FNDC7: variants seen among roughly 807,000 people sequenced by gnomAD.
FNDC7 encodes the protein fibronectin type III domain containing 7.
A neutral mutation model predicts 74.2 loss-of-function variants in FNDC7; 66 were observed. That is an observed-to-expected ratio of 0.89 (90% CI 0.73 to 1.09). The LOEUF (loss-of-function observed/expected upper bound fraction) is 1.09. Ranked by LOEUF, FNDC7 falls within the 50% of genes least tolerant of loss-of-function variation. FNDC7 has a pLI of 0.00. For synonymous variants in FNDC7, 307 were observed against 330.2 expected (o/e 0.93, Z 0.76); for missense variants, 829 against 893.4 (o/e 0.93, Z 0.92).
intron 10 of FNDC7, among the ~76,000 whole-genome samples, chr1:108,736,245 A>G (rs781328798): frequency 3.9e-5 from 6 of 152,088 alleles, no homozygotes; most frequent in African/African-American, 7.2e-5. Context: ...TTCTGGAGCT[A>G]CTGCAGTGCT....
intron 2 of FNDC7, among the ~76,000 whole-genome samples, chr1:108,717,509 T>A (rs1021387594): frequency 1.3e-5 from 2 of 152,226 alleles, no homozygotes; most frequent in African/African-American, 4.8e-5. Context: ...TTAGCTCTTT[T>A]AAAAGTACAA....
At chr1:108,740,302 C>A (rs1246878510) in intron 11 of FNDC7, among the ~76,000 whole-genome samples, 5 of 145,136 alleles carry the variant, frequency 3.4e-5, no homozygotes, top group African/African-American at 1.3e-4. Flanking sequence ...CTTGGAGTAT[C>A]CTAAAGCTTT....
Position 108,728,076 on chromosome 1 carries a change from G to A in FNDC7, c.1369+11G>A. ...AGTTCATAACCACAGGTAAGGCACA[G>A]CTATCATTCCACTCACTGGTGTCTG... On this transcript the variant is annotated intron_variant, in intron 7 of 12. Coordinates refer to ENST00000370017, the MANE Select transcript of FNDC7 (RefSeq NM_001144937.3). 1 of 1,609,218 alleles carries A rather than the reference G, an allele frequency of 6.2e-7. No individual in the cohort carries two copies. The highest frequency in any genetic ancestry group is 8.5e-7 in the Non-Finnish European group (1 of 1,177,060).
intron 2 of FNDC7, among the ~76,000 whole-genome samples, chr1:108,715,173 T>C (rs1464776896): frequency 6.6e-6 from 1 of 152,178 alleles, no homozygotes; most frequent in Non-Finnish European, 1.5e-5. Context: ...TTGATTCTCT[T>C]TGGGCTCTGG....
In FNDC7 at chr1:108,739,068, G is replaced by A. The variant is rs1446457638; in HGVS notation, c.2170+1544G>A. 2.6e-5 allele frequency among the ~76,000 whole-genome samples: 4 copies of A among 151,480 alleles called. No individual in the cohort carries two copies. In the East Asian group the frequency reaches 7.7e-4, roughly 29 times the overall value. The stretch of plus-strand genomic sequence containing the variant: ...GGAGAGGAGTGGTGTATGATATATT[G>A]GCCTTGCCTATGATTTTGTTCAAGG... On this transcript the variant is annotated intron_variant, in intron 11 of 12. Coordinates refer to ENST00000370017, the MANE Select transcript of FNDC7 (RefSeq NM_001144937.3).
intron 2 of FNDC7, among the ~76,000 whole-genome samples, chr1:108,716,331 G>GTGTA (rs1436114844): frequency 8.9e-6 from 1 of 111,996 alleles, no homozygotes; most frequent in Non-Finnish European, 2.2e-5. Context: ...GTGTGTGTGT[G>GTGTA]TGTGTGTGTG....
intron 8 of FNDC7, 137 bp downstream of exon 8, chr1:108,729,023 G>A (rs553605757): frequency 2.7e-4 from 291 of 1,088,694 alleles, no homozygotes; most frequent in Non-Finnish European, 3.2e-4. Context: ...AAAGAGTCCC[G>A]GTCATAGACA....
At chr1:108,727,331 A>G (rs1298013804) in intron 6 of FNDC7, among the ~76,000 whole-genome samples, 3 of 151,844 alleles carry the variant, frequency 2.0e-5, no homozygotes, top group Middle Eastern at 6.8e-3. Flanking sequence ...TCTCTTTGAA[A>G]AAACAAAACA....
chr1:108,715,360 A>T (rs888314165), intron 2 of FNDC7, among the ~76,000 whole-genome samples: 1 of 152,248 alleles, frequency 6.6e-6, no homozygotes, highest in Non-Finnish European at 1.5e-5. Flanking sequence ...CAGTGGGCTA[A>T]ACATAGAAGT....
intron 10 of FNDC7, among the ~76,000 whole-genome samples, chr1:108,736,963 C>CTTTTTTTTTT (rs1173562405): frequency 3.9e-4 from 39 of 99,414 alleles, no homozygotes; most frequent in Non-Finnish European, 6.1e-4. Flanking sequence ...GCTTGGCATT[C>CTTTTTTTTTT]TTTTTTTTTT....
Position 108,717,953 on chromosome 1 carries a change from A to G in FNDC7, c.259A>G (p.Thr87Ala), listed in dbSNP as rs767489778. 1 of 1,551,760 alleles carries G rather than the reference A, an allele frequency of 6.4e-7. No homozygotes were observed. The highest frequency in any genetic ancestry group is 1.7e-4 in the Middle Eastern group (1 of 5,992). The stretch of plus-strand genomic sequence containing the variant: ...CACTGTGACGGGACTAAAGGCTGCA[A>G]CCTGGTATGAAATCACCATCAGATC... ...PGTVTGLKAA[T>A]WYEITIRSIS... The change falls in exon 3 of 13, where the codon ACC (threonine) becomes GCC (alanine). Residue 87 changes from threonine to alanine, a missense_variant. Thr to Ala is a moderately conservative substitution (Grantham distance 58, BLOSUM62 0). Transcript: ENST00000370017.
At chr1:108,721,662 G>A (rs548427060) in intron 4 of FNDC7, among the ~76,000 whole-genome samples, 66 of 152,166 alleles carry the variant, frequency 4.3e-4, no homozygotes, top group Middle Eastern at 6.8e-3. Flanking sequence ...TTTTTAATGC[G>A]GTAACTCTTA....
At chr1:108,732,228 G>A (rs7523408) in intron 9 of FNDC7, among the ~76,000 whole-genome samples, 79,771 of 151,600 alleles carry the variant, frequency 0.53, 21,410 homozygotes, top group African/African-American at 0.58. Flanking sequence ...GCGTGGTGGC[G>A]GGCGCCTGTA....
chr1:108,712,940 G>C lies in FNDC7; in HGVS notation c.7G>C (p.Gly3Arg). The C allele has an allele frequency of 6.4e-7, 1 of 1,551,614 alleles. No homozygotes were observed. Among genetic ancestry groups the C allele is most frequent in the Non-Finnish European group, 8.7e-7 (1 of 1,146,946 alleles). Reference sequence around the variant, plus strand: ...GAGTACTATGTCCAACAGGATGGCTGGTGGACGAGAGACATGTTTGCCTTT... The same window carrying C: ...GAGTACTATGTCCAACAGGATGGCTCGTGGACGAGAGACATGTTTGCCTTT... The part of the protein sequence containing the change: MA[G>R]GRETCLPLIG... The change falls in exon 1 of 13, where the codon GGT (glycine) becomes CGT (arginine). Residue 3 changes from glycine to arginine, a missense_variant. Transcript: ENST00000370017.
At chr1:108,719,425 T>C (rs1661045501) in intron 4 of FNDC7, among the ~76,000 whole-genome samples, 1 of 152,240 alleles carries the variant, frequency 6.6e-6, no homozygotes, top group South Asian at 2.1e-4. Flanking sequence ...GGAATTCATT[T>C]GTTCAGCAGA....
rs1244029740 is a variant in FNDC7, at chr1:108,722,471, T to C, written c.735T>C (p.Ser245=). ...ALSDSSELTC[S]TTFSSCTISS... is the part of the protein sequence containing the mutation. ...GCGACTCTTCAGAGCTGACCTGCAG[T>C]ACAACTTTCAGTTCCTGCACCATCT... is the stretch of plus-strand genomic sequence containing the variant. Residue 245 remains serine, a synonymous_variant, in exon 5 of 13, where the codon AGT becomes AGC. Coordinates refer to ENST00000370017, the MANE Select transcript of FNDC7 (RefSeq NM_001144937.3). 6.2e-7 allele frequency: 1 copy of C among 1,614,252 alleles called. No homozygotes were observed. The highest frequency in any genetic ancestry group is 1.7e-5 in the Admixed American group (1 of 60,030).
At chr1:108,723,248 A>G (rs906706634) in intron 5 of FNDC7, among the ~76,000 whole-genome samples, 1 of 152,194 alleles carries the variant, frequency 6.6e-6, no homozygotes, top group Non-Finnish European at 1.5e-5. Flanking sequence ...CTTTTTTTAC[A>G]TAAGAAAATT....
intron 10 of FNDC7, among the ~76,000 whole-genome samples, chr1:108,736,870 C>T (rs1474716989): frequency 1.3e-5 from 2 of 151,210 alleles, no homozygotes; most frequent in African/African-American, 4.9e-5. Flanking sequence ...ACAATAACGA[C>T]TAATGTTTAT....
rs1435452557 is a variant in FNDC7 at position 108,725,896 on chromosome 1, A to C, written c.1003A>C (p.Thr335Pro). ...GLEVHCNTSL[T>P]QCNFLSECGF... ...GGAAGTACACTGCAACACATCTCTC[A>C]CTCAGTGCAACTTCTTATCTGAGTG... is the stretch of plus-strand genomic sequence containing the variant. The change falls in exon 6 of 13, where the codon ACT (threonine) becomes CCT (proline). Residue 335 changes from threonine (T) to proline (P), a missense_variant. Thr to Pro is a conservative substitution (Grantham distance 38). Coordinates refer to ENST00000370017, the MANE Select transcript of FNDC7 (RefSeq NM_001144937.3). The C allele has an allele frequency of 7.4e-6, 12 of 1,613,978 alleles. No individual in the cohort carries two copies. The highest frequency in any genetic ancestry group is 9.3e-6 in the Non-Finnish European group (11 of 1,180,002).
Sources: gnomAD v4.1 joint callset for allele counts (sites outside exome capture counted in the v4.1 genomes callset) on GRCh38, gnomAD v4.1.1 for gene constraint, MANE v1.5 for transcripts, NCBI Gene and HGNC (gene_info 2026-07-23, HGNC 2026-07-21) for gene names.